Variants in MGLL observed in about 807,000 individuals in gnomAD.
The protein encoded by MGLL is monoglyceride lipase, also known as lysophospholipase homolog.
In MGLL, 7 loss-of-function variants were observed where a neutral mutation model predicts 29.1. That is an observed-to-expected ratio of 0.24 (90% CI 0.14 to 0.45). MGLL has a LOEUF of 0.45. Ranked by LOEUF, MGLL falls within the 20% of genes least tolerant of loss-of-function variation. The probability of loss-of-function intolerance (pLI) is 0.99; values close to 1 mark genes in which losing one functional copy is unlikely to be tolerated. For missense variants in MGLL, 356 were observed against 413.6 expected, an observed-to-expected ratio of 0.86 and a Z score of 1.21; for synonymous variants, 148 against 168.3, an observed-to-expected ratio of 0.88 and a Z score of 0.93.
At chr3:127,787,004 C>A (rs1220489620) in intron 2 of MGLL, among the ~76,000 whole-genome samples, 4 of 152,206 alleles carry the variant, frequency 2.6e-5, no homozygotes, top group African/African-American at 7.2e-5. Flanking sequence ...AACACTGCAG[C>A]CTCCTCCCCG....
intron 3 of MGLL, among the ~76,000 whole-genome samples, chr3:127,727,449 T>C (rs548553030): frequency 7.2e-5 from 11 of 152,292 alleles, no homozygotes; most frequent in African/African-American, 2.6e-4. Context: ...CAGTGGCTCA[T>C]GCCTGTAATC....
At chr3:127,694,345 GTGTATATATATGTGTATATATATGTA>G (rs1559902232) in intron 7 of MGLL, among the ~76,000 whole-genome samples, 7 of 58,408 alleles carry the variant, frequency 1.2e-4, no homozygotes, top group Non-Finnish European at 2.2e-4. Flanking sequence ...ATATATGTAT[GTGTATATATATGTGTATATATATGTA>G]TGTATATATA....
intron 3 of MGLL, among the ~76,000 whole-genome samples, chr3:127,748,095 T>G (rs1189195318): frequency 1.3e-5 from 2 of 152,188 alleles, no homozygotes; most frequent in East Asian, 3.8e-4. Context: ...CTAGGACAAG[T>G]GTTGAAAGTA....
intron 3 of MGLL, among the ~76,000 whole-genome samples, chr3:127,737,758 C>A (rs972693169): frequency 6.7e-6 from 1 of 149,640 alleles, no homozygotes; most frequent in South Asian, 2.1e-4. Context: ...AACTCTCCTG[C>A]CTCAGCCTCC....
chr3:127,814,836 C>T (rs994093101), intron 2 of MGLL, among the ~76,000 whole-genome samples: 4 of 152,300 alleles, frequency 2.6e-5, no homozygotes, highest in East Asian at 1.9e-4. Context: ...CAATTTGCTA[C>T]GCTATCACAA....
At chr3:127,764,357 T>C (rs568275465) in intron 3 of MGLL, among the ~76,000 whole-genome samples, 7 of 152,300 alleles carry the variant, frequency 4.6e-5, no homozygotes, top group African/African-American at 1.7e-4. Flanking sequence ...CCCACTGGCC[T>C]CTCAGCACCT....
intron 3 of MGLL, among the ~76,000 whole-genome samples, chr3:127,756,383 C>T (rs1559948894): frequency 6.6e-6 from 1 of 152,140 alleles, no homozygotes; most frequent in African/African-American, 2.4e-5. Context: ...GCCCACACCT[C>T]CACTCCAGGC....
At chr3:127,704,602 A>C (rs1157764742) in intron 6 of MGLL, among the ~76,000 whole-genome samples, 1 of 152,236 alleles carries the variant, frequency 6.6e-6, no homozygotes, top group Non-Finnish European at 1.5e-5. Flanking sequence ...ACACTTTTCA[A>C]AAGAAGACAT....
At chr3:127,756,710 A>C (rs952541110) in intron 3 of MGLL, among the ~76,000 whole-genome samples, 1 of 152,218 alleles carries the variant, frequency 6.6e-6, no homozygotes, top group African/African-American at 2.4e-5. Flanking sequence ...AAGAGAAATA[A>C]ACCTTTTTCT....
intron 2 of MGLL, 126 bp from the exon 3 acceptor site, chr3:127,782,021 G>C (rs2077136594): frequency 1.2e-6 from 1 of 802,568 alleles, no homozygotes; most frequent in East Asian, 2.7e-5. Context: ...AGGAGTTTGA[G>C]ACCAGCCTGA....
At chr3:127,818,328 G>GT (rs1418377195) in intron 2 of MGLL, among the ~76,000 whole-genome samples, 1 of 151,660 alleles carries the variant, frequency 6.6e-6, no homozygotes, top group African/African-American at 2.4e-5. Flanking sequence ...CATAAATTCT[G>GT]TTTTTTGTTA....
At chr3:127,821,590 A>G in intron 2 of MGLL, 104 bp downstream of exon 2, 1 of 1,326,208 alleles carries the variant, frequency 7.5e-7, no homozygotes, top group African/African-American at 1.4e-5. Flanking sequence ...GAAGTAGGTC[A>G]TAGAGAAAGC....
At chr3:127,739,984 C>G (rs1425372013) in intron 3 of MGLL, among the ~76,000 whole-genome samples, 1 of 152,194 alleles carries the variant, frequency 6.6e-6, no homozygotes, top group Non-Finnish European at 1.5e-5. Context: ...GTCCCCTTGC[C>G]TGTGTGGGAG....
chr3:127,707,839 C>T (rs1011753576), intron 6 of MGLL, among the ~76,000 whole-genome samples: 9 of 152,182 alleles, frequency 5.9e-5, no homozygotes, highest in Non-Finnish European at 1.2e-4. Flanking sequence ...TTTGGGGCGA[C>T]GCAAGTGAAG....
intron 3 of MGLL, among the ~76,000 whole-genome samples, chr3:127,724,158 A>G (rs1376564024): frequency 6.6e-6 from 1 of 152,120 alleles, no homozygotes; most frequent in African/African-American, 2.4e-5. Flanking sequence ...GTCCTTTGTT[A>G]TGGAAGCCCT....
chr3:127,798,895 G>A (rs1347054664), intron 2 of MGLL, among the ~76,000 whole-genome samples: 1 of 152,192 alleles, frequency 6.6e-6, no homozygotes, highest in Admixed American at 6.5e-5. Context: ...TGAGGTCACA[G>A]GTGGTGCAGC....
In MGLL at chr3:127,764,874, G is replaced by A. The variant is rs571220101; in HGVS notation, c.262+16915C>T. On this transcript the variant is annotated intron_variant, in intron 3 of 7. Transcript: ENST00000265052. ...CCCCCCACATAGAGGAGCTCATTTGGTTCCTTTTTAATCCCCCTACTGACC... is the reference window on the plus strand; with the variant it reads ...CCCCCCACATAGAGGAGCTCATTTGATTCCTTTTTAATCCCCCTACTGACC... Among the ~76,000 whole-genome samples the A allele has an allele frequency of 2.3e-3, 356 of 152,206 alleles. 1 individual carries two copies. Among genetic ancestry groups the A allele is most frequent in the Non-Finnish European group, 4.3e-3 (292 of 68,004 alleles).
intron 3 of MGLL, among the ~76,000 whole-genome samples, chr3:127,776,578 C>T (rs1371134005): frequency 1.3e-5 from 2 of 152,168 alleles, no homozygotes; most frequent in Non-Finnish European, 2.9e-5. Context: ...GGTGCCACAC[C>T]CCTTCCTGAG....
chr3:127,693,807 GC>G (rs1225390140), intron 7 of MGLL, among the ~76,000 whole-genome samples: 1 of 152,140 alleles, frequency 6.6e-6, no homozygotes, highest in African/African-American at 2.4e-5. Flanking sequence ...GAAACTTAGG[GC>G]CCCATAAATA....
Sources: allele counts gnomAD v4.1 joint callset (sites outside exome capture counted in the v4.1 genomes callset), GRCh38; gene constraint gnomAD v4.1.1; transcripts MANE v1.5; gene names NCBI Gene and HGNC (gene_info 2026-07-23, HGNC 2026-07-21).